RPH3A: variants seen among roughly 807,000 people sequenced by gnomAD.
The protein encoded by RPH3A is rabphilin 3A.
In RPH3A, 48 loss-of-function variants were observed where a neutral mutation model predicts 102.2. The ratio of observed to expected loss-of-function variants is 0.47; its 90% CI spans 0.37 to 0.60. The LOEUF is 0.60. Ranked by LOEUF, RPH3A falls within the 20% of genes least tolerant of loss-of-function variation. RPH3A has a pLI of 0.00. For missense variants in RPH3A, 781 were observed against 910.1 expected (o/e 0.86, Z 1.83); for synonymous variants, 310 against 324.3 (o/e 0.96, Z 0.47).
intron 1 of RPH3A, among the ~76,000 whole-genome samples, chr12:112,768,975 C>T (rs542260477): frequency 6.6e-6 from 1 of 152,142 alleles, no homozygotes; most frequent in African/African-American, 2.4e-5. Flanking sequence ...ACCCTATTCA[C>T]CTTCCCAGAT....
At chr12:112,738,395 C>G (rs2040684199) in intron 1 of RPH3A, among the ~76,000 whole-genome samples, 1 of 152,088 alleles carries the variant, frequency 6.6e-6, no homozygotes, top group Admixed American at 6.6e-5. Flanking sequence ...ATGGCCCACC[C>G]TGATCCAGTA....
chr12:112,614,385 T>C (rs1245065591), intron 1 of RPH3A, among the ~76,000 whole-genome samples: 2 of 151,862 alleles, frequency 1.3e-5, no homozygotes, highest in East Asian at 3.9e-4. Flanking sequence ...AGTTGATGCA[T>C]ATAAGATCCT....
rs2042672299 is a variant in RPH3A at position 112,869,700 on chromosome 12, C to T, written c.611-59C>T. 6 of 1,556,592 alleles carry T rather than the reference C, an allele frequency of 3.9e-6. No individual in the cohort carries two copies. The African/African-American group carries it at 4.1e-5, about 11-fold the overall frequency. On this transcript the variant is annotated intron_variant, in intron 8 of 21. Coordinates refer to ENST00000389385, the MANE Select transcript of RPH3A (RefSeq NM_001143854.2). ...AACCCCTTTGTAGGCTTCTTAAGTA[C>T]CGGTTTTCCAGACACCAGAAAACCA...
In RPH3A at chr12:112,765,246, TTGTGTGTGTGTGTGTG is replaced by T. The variant is rs34294777; in HGVS notation, c.-139-26873_-139-26858del. Among the ~76,000 whole-genome samples, 6 of 141,758 alleles carry T rather than the reference TTGTGTGTGTGTGTGTG, an allele frequency of 4.2e-5. No homozygotes were observed. In the South Asian group the frequency reaches 7.1e-4, roughly 17 times the overall value. The allele number at this position is 141,758 out of a possible 152,430, so 93.0% of individuals were successfully genotyped here. The stretch of plus-strand genomic sequence containing the variant: ...AGGTGCAATGTTTCAGTCATGGTGA[TTGTGTGTGTGTGTGTG>T]TGTGTGTGTGTGTGTGTGTGTGTAA... On this transcript the variant is annotated intron_variant, in intron 1 of 21. Transcript: ENST00000543106.
At chr12:112,747,865 C>T (rs757670981) in intron 1 of RPH3A, among the ~76,000 whole-genome samples, 1 of 152,182 alleles carries the variant, frequency 6.6e-6, no homozygotes, top group African/African-American at 2.4e-5. Context: ...ATTCATGGAC[C>T]CATTAGCGTG....
upstream of RPH3A, among the ~76,000 whole-genome samples, chr12:112,790,910 C>T (rs147541691): frequency 1.4e-3 from 213 of 152,262 alleles, no homozygotes; most frequent in Non-Finnish European, 2.7e-3. Context: ...AGGTTATGGA[C>T]CATGAAATCA....
intron 1 of RPH3A, among the ~76,000 whole-genome samples, chr12:112,644,750 C>T (rs1172819871): frequency 2.0e-5 from 3 of 152,180 alleles, no homozygotes; most frequent in African/African-American, 4.8e-5. Context: ...TCTTTAGCTG[C>T]CATGTAGATG....
At chr12:112,836,665 T>C (rs2042056733) in intron 4 of RPH3A, among the ~76,000 whole-genome samples, 163 bp downstream of exon 4, 1 of 151,858 alleles carries the variant, frequency 6.6e-6, no homozygotes. Context: ...CCCACACCCA[T>C]CTTAGGAAAA....
intron 4 of RPH3A, among the ~76,000 whole-genome samples, chr12:112,838,253 C>T (rs2042086892): frequency 6.6e-6 from 1 of 152,212 alleles, no homozygotes; most frequent in Non-Finnish European, 1.5e-5. Context: ...ACGGCATCTG[C>T]CAAGCCCAAC....
Position 112,600,052 on chromosome 12 carries a change from T to A in RPH3A, c.-140+24733T>A, listed in dbSNP as rs75448680. On this transcript the variant is annotated intron_variant, in intron 1 of 21. Transcript: ENST00000543106. The stretch of plus-strand genomic sequence containing the variant: ...AGCTTTGTACCCGGTACAATTTCTA[T>A]GCTCAATAAGGGCATTATTTCCTAA... Among the ~76,000 whole-genome samples the A allele has an allele frequency of 6.3e-3, 962 of 152,288 alleles. 17 individuals carry two copies. The highest frequency in any genetic ancestry group is 0.023 in the African/African-American group (938 of 41,566).
At chr12:112,664,345 A>G (rs967043660) in intron 1 of RPH3A, among the ~76,000 whole-genome samples, 2 of 152,150 alleles carry the variant, frequency 1.3e-5, no homozygotes, top group African/African-American at 4.8e-5. Flanking sequence ...TTTAAGCAGG[A>G]GGTAAACAAT....
At chr12:112,826,360 G>A (rs1173913819) in intron 2 of RPH3A, among the ~76,000 whole-genome samples, 1 of 152,140 alleles carries the variant, frequency 6.6e-6, no homozygotes, top group East Asian at 1.9e-4. Flanking sequence ...GTGTGCTAAG[G>A]GGTTTAGATT....
At chr12:112,797,072 T>C (rs2041247187) in intron 2 of RPH3A, among the ~76,000 whole-genome samples, 1 of 152,102 alleles carries the variant, frequency 6.6e-6, no homozygotes, top group South Asian at 2.1e-4. Context: ...TTTTTGGGAC[T>C]TAGATAAAGT....
At chr12:112,865,274 T>TG (rs2042589090) in intron 5 of RPH3A, 140 bp from the exon 6 acceptor site, 1 of 996,804 alleles carries the variant, frequency 1.0e-6, no homozygotes, top group African/African-American at 1.6e-5. Flanking sequence ...TGCCTTTTCT[T>TG]GGGGAAGAGT....
intron 5 of RPH3A, among the ~76,000 whole-genome samples, chr12:112,852,059 C>T (rs375380178): frequency 3.9e-5 from 6 of 152,148 alleles, no homozygotes; most frequent in East Asian, 3.9e-4. Flanking sequence ...CTTCAGGGGA[C>T]GTGGGCTAGG....
intron 1 of RPH3A, among the ~76,000 whole-genome samples, chr12:112,724,555 G>T (rs1264816621): frequency 6.6e-6 from 1 of 152,164 alleles, no homozygotes; most frequent in African/African-American, 2.4e-5. Context: ...TGAGGAAACA[G>T]GCTCAGCGAT....
At chr12:112,689,656 G>A (rs2040292587) in intron 1 of RPH3A, among the ~76,000 whole-genome samples, 2 of 152,298 alleles carry the variant, frequency 1.3e-5, no homozygotes, top group Middle Eastern at 6.8e-3. Context: ...ACACAGATAA[G>A]AAAACAAATG....
At chr12:112,737,490 C>T (rs932102042) in intron 1 of RPH3A, among the ~76,000 whole-genome samples, 1 of 152,104 alleles carries the variant, frequency 6.6e-6, no homozygotes, top group African/African-American at 2.4e-5. Context: ...TGATAGCTCC[C>T]AAATGGATCT....
intron 1 of RPH3A, among the ~76,000 whole-genome samples, chr12:112,740,343 GC>G (rs2040700332): frequency 6.6e-6 from 1 of 152,144 alleles, no homozygotes; most frequent in Admixed American, 6.6e-5. Context: ...TCTATAGTTA[GC>G]CAGAGAGCTT....
Sources: gnomAD v4.1 joint callset for allele counts (sites outside exome capture counted in the v4.1 genomes callset) on GRCh38, gnomAD v4.1.1 for gene constraint, MANE v1.5 for transcripts, NCBI Gene and HGNC (gene_info 2026-07-23, HGNC 2026-07-21) for gene names.